CCSER1: variants seen among roughly 807,000 people sequenced by gnomAD.
CCSER1 encodes the protein coiled-coil serine rich protein 1, also known as serine-rich coiled-coil domain-containing protein 1.
A neutral mutation model predicts 82.0 loss-of-function variants in CCSER1; 41 were observed. The ratio of observed to expected loss-of-function variants is 0.50; its 90% CI spans 0.39 to 0.65. The LOEUF (loss-of-function observed/expected upper bound fraction) is 0.65. Ranked by LOEUF, CCSER1 falls within the 30% of genes least tolerant of loss-of-function variation. The pLI is 0.00. For synonymous variants in CCSER1, 414 were observed against 383.9 expected (o/e 1.08, Z -0.92); for missense variants, 1,119 against 1,064.2 (o/e 1.05, Z -0.72).
intron 10 of CCSER1, among the ~76,000 whole-genome samples, chr4:91,594,187 G>A (rs905753623): frequency 5.3e-5 from 8 of 151,280 alleles, no homozygotes; most frequent in African/African-American, 1.9e-4. Context: ...TTACCTTCAG[G>A]GATCTCAAAT....
chr4:90,254,321 G>A (rs141497314), intron 1 of CCSER1, among the ~76,000 whole-genome samples: 2 of 152,138 alleles, frequency 1.3e-5, no homozygotes, highest in African/African-American at 2.4e-5. Context: ...TCAGGAAGTC[G>A]CTCACTTCTC....
At chr4:90,905,143 A>AGAG (rs1725268838) in intron 8 of CCSER1, among the ~76,000 whole-genome samples, 1 of 152,238 alleles carries the variant, frequency 6.6e-6, no homozygotes, top group East Asian at 1.9e-4. Context: ...CATTTCCTCT[A>AGAG]GACAATTGCA....
chr4:90,581,290 G>C (rs1017401182), intron 5 of CCSER1, among the ~76,000 whole-genome samples: 4 of 152,018 alleles, frequency 2.6e-5, no homozygotes, highest in Non-Finnish European at 5.9e-5. Context: ...AAACAATTTA[G>C]CTATGAGCAC....
At chr4:91,047,273 G>T (rs1742592639) in intron 9 of CCSER1, among the ~76,000 whole-genome samples, 1 of 151,760 alleles carries the variant, frequency 6.6e-6, no homozygotes, top group South Asian at 2.1e-4. Flanking sequence ...TTTCTCAAAA[G>T]CATATGTATA....
At chr4:90,720,950 G>A (rs1561013202) in intron 6 of CCSER1, among the ~76,000 whole-genome samples, 1 of 151,840 alleles carries the variant, frequency 6.6e-6, no homozygotes, top group East Asian at 1.9e-4. Context: ...GTCAATTAAG[G>A]AAATTGTCTT....
At chr4:90,887,639 T>C (rs1456440316) in intron 8 of CCSER1, among the ~76,000 whole-genome samples, 1 of 152,128 alleles carries the variant, frequency 6.6e-6, no homozygotes, top group African/African-American at 2.4e-5. Context: ...ATCCCAGCAC[T>C]TTGGGAGGCC....
intron 1 of CCSER1, among the ~76,000 whole-genome samples, chr4:90,242,061 C>G (rs563107240): frequency 3.3e-5 from 5 of 152,160 alleles, no homozygotes; most frequent in African/African-American, 1.2e-4. Context: ...AATCCCAGCA[C>G]TTTTGGAAGC....
At chr4:90,815,141 A>G (rs890115274) in intron 7 of CCSER1, among the ~76,000 whole-genome samples, 1 of 151,408 alleles carries the variant, frequency 6.6e-6, no homozygotes, top group Non-Finnish European at 1.5e-5. Context: ...AATGGGAAGT[A>G]AGGGATGTCC....
At chr4:91,263,370 C>A in intron 10 of CCSER1, among the ~76,000 whole-genome samples, 1 of 151,916 alleles carries the variant, frequency 6.6e-6, no homozygotes, top group Non-Finnish European at 1.5e-5. Flanking sequence ...AGCCTACTGC[C>A]AAATTTTAAC....
intron 6 of CCSER1, among the ~76,000 whole-genome samples, chr4:90,705,024 G>A (rs1228497099): frequency 6.6e-6 from 1 of 152,222 alleles, no homozygotes; most frequent in Non-Finnish European, 1.5e-5. Flanking sequence ...GAGGAGCTGT[G>A]TTCCTTTGGA....
chr4:90,415,632 T>C (rs1426130904), intron 4 of CCSER1, among the ~76,000 whole-genome samples: 2 of 152,250 alleles, frequency 1.3e-5, no homozygotes, highest in Non-Finnish European at 2.9e-5. Context: ...AATAACTGGT[T>C]AAATATTAAG....
intron 7 of CCSER1, among the ~76,000 whole-genome samples, chr4:90,773,620 A>C (rs1752521126): frequency 1.3e-5 from 2 of 152,206 alleles, no homozygotes; most frequent in African/African-American, 4.8e-5. Context: ...CCTAAATTAC[A>C]TCTATATTGA....
At chr4:91,020,458 T>G (rs535997501) in intron 9 of CCSER1, among the ~76,000 whole-genome samples, 1 of 152,028 alleles carries the variant, frequency 6.6e-6, no homozygotes, top group Non-Finnish European at 1.5e-5. Flanking sequence ...GTCAGGAGAT[T>G]GAAACCATCC....
Position 90,323,992 on chromosome 4 carries a change from C to G in CCSER1, c.1509+10945C>G, listed in dbSNP as rs569471275. 5.1e-4 allele frequency among the ~76,000 whole-genome samples: 78 copies of G among 152,138 alleles called. 1 individual carries two copies. Among genetic ancestry groups the G allele is most frequent in the Non-Finnish European group, 2.1e-4 (14 of 68,036 alleles). On this transcript the variant is annotated intron_variant, in intron 3 of 10. Transcript: ENST00000509176. ...ATTTCATTCATGTCCCTACAAAGGA[C>G]ATGAACTCATCATTGTTTATGGCTG...
chr4:90,326,513 G>A (rs1000366510), intron 3 of CCSER1, among the ~76,000 whole-genome samples: 2 of 151,244 alleles, frequency 1.3e-5, no homozygotes, highest in Admixed American at 6.6e-5. Flanking sequence ...TCTTAGTTTG[G>A]TACATCCCAC....
At chr4:91,344,366 C>G (rs752739330) in intron 10 of CCSER1, among the ~76,000 whole-genome samples, 4 of 152,120 alleles carry the variant, frequency 2.6e-5, no homozygotes, top group Non-Finnish European at 4.4e-5. Flanking sequence ...CCCCAATGGA[C>G]TAAGACTTCG....
intron 7 of CCSER1, among the ~76,000 whole-genome samples, chr4:90,787,735 G>A (rs1314166907): frequency 6.6e-6 from 1 of 152,156 alleles, no homozygotes; most frequent in African/African-American, 2.4e-5. Context: ...ACTTCATCAT[G>A]TACTGATTAG....
At chr4:91,378,592 A>G (rs1349280598) in intron 10 of CCSER1, among the ~76,000 whole-genome samples, 2 of 152,188 alleles carry the variant, frequency 1.3e-5, no homozygotes, top group Non-Finnish European at 2.9e-5. Context: ...ACTTTTGCAC[A>G]TTGATTTTGT....
chr4:90,216,194 A>C (rs751725320), intron 1 of CCSER1, among the ~76,000 whole-genome samples: 44 of 152,196 alleles, frequency 2.9e-4, no homozygotes, highest in Admixed American at 1.6e-3. Context: ...TTAAGGCTTA[A>C]TCCCGGACCT....
Sources: gnomAD v4.1 joint callset for allele counts (sites outside exome capture counted in the v4.1 genomes callset) on GRCh38, gnomAD v4.1.1 for gene constraint, MANE v1.5 for transcripts, NCBI Gene and HGNC (gene_info 2026-07-23, HGNC 2026-07-21) for gene names.